SPMIP3: variants seen among roughly 807,000 people sequenced by gnomAD.
SPMIP3 encodes the protein protein SPMIP3.
the SPMIP3 span, among the ~76,000 whole-genome samples, chr1:244,372,766 A>G: frequency 1.3e-5 from 2 of 152,188 alleles, no homozygotes; most frequent in Non-Finnish European, 2.9e-5. Context: ...GCATCTACTG[A>G]CTGCTCAGAA....
At chr1:244,373,285 C>T in the SPMIP3 span, among the ~76,000 whole-genome samples, 8 of 131,600 alleles carry the variant, frequency 6.1e-5, no homozygotes, top group African/African-American at 2.2e-4. Flanking sequence ...CCTTGTTAAA[C>T]ATCTCACAAA....
the SPMIP3 span, chr1:244,378,356 A>G: frequency 5.4e-6 from 6 of 1,107,818 alleles, no homozygotes; most frequent in Non-Finnish European, 7.8e-6. Context: ...AGTCTTGTCA[A>G]TACTCTCTGT....
chr1:244,369,773 T>G, the SPMIP3 span, among the ~76,000 whole-genome samples: 2 of 152,168 alleles, frequency 1.3e-5, no homozygotes, highest in Admixed American at 6.5e-5. Flanking sequence ...TGGTTAGGAC[T>G]AGGTGTGCTG....
At chr1:244,367,664 G>T in the SPMIP3 span, among the ~76,000 whole-genome samples, 80 of 152,190 alleles carry the variant, frequency 5.3e-4, no homozygotes, top group Non-Finnish European at 2.4e-4. Context: ...GCCTCCAGGG[G>T]CCCCAGGGCC....
At chr1:244,377,242 C>T in the SPMIP3 span, among the ~76,000 whole-genome samples, 1 of 152,292 alleles carries the variant, frequency 6.6e-6, no homozygotes, top group African/African-American at 2.4e-5. Context: ...CTGCCTCAGC[C>T]TCCCGAGTAG....
the SPMIP3 span, among the ~76,000 whole-genome samples, chr1:244,381,926 C>CA: frequency 1.3e-5 from 2 of 152,108 alleles, no homozygotes; most frequent in Non-Finnish European, 2.9e-5. Flanking sequence ...GACTCCGTCT[C>CA]AAAAAACAAA....
the SPMIP3 span, among the ~76,000 whole-genome samples, chr1:244,376,871 C>T: frequency 5.9e-5 from 9 of 151,944 alleles, no homozygotes; most frequent in South Asian, 2.1e-4. Flanking sequence ...AGCGCAGTGG[C>T]GTGATCTCGG....
At chr1:244,378,597 A>G in the SPMIP3 span, 2 of 1,613,978 alleles carry the variant, frequency 1.2e-6, no homozygotes, top group Admixed American at 3.3e-5. Context: ...GTATAAAGAA[A>G]CCACTTACCG....
At chr1:244,367,604 G>A in the SPMIP3 span, among the ~76,000 whole-genome samples, 2 of 152,142 alleles carry the variant, frequency 1.3e-5, no homozygotes, top group Non-Finnish European at 2.9e-5. Flanking sequence ...CCCAACCCAC[G>A]TGCGGCTCGG....
the SPMIP3 span, among the ~76,000 whole-genome samples, chr1:244,379,599 C>G: frequency 6.6e-6 from 1 of 152,282 alleles, no homozygotes; most frequent in South Asian, 2.1e-4. Context: ...CGATTTCAAA[C>G]TTTATGACAA....
the SPMIP3 span, among the ~76,000 whole-genome samples, chr1:244,354,996 G>A: frequency 0.35 from 52,598 of 151,986 alleles, 10,812 homozygotes; most frequent in Middle Eastern, 0.48. Context: ...GCAACATGGC[G>A]GCGAAATCAC....
chr1:244,375,491 T>C, the SPMIP3 span: 11 of 1,573,742 alleles, frequency 7.0e-6, no homozygotes, highest in Non-Finnish European at 8.7e-6. Flanking sequence ...TCAATCCCAA[T>C]GTCCAAGAAT....
the SPMIP3 span, among the ~76,000 whole-genome samples, chr1:244,366,210 T>A: frequency 6.6e-6 from 1 of 152,224 alleles, no homozygotes; most frequent in African/African-American, 2.4e-5. Flanking sequence ...AGTCTGGCTC[T>A]GTTGCCCAGG....
chr1:244,360,560 GCATGCAT>G, the SPMIP3 span, among the ~76,000 whole-genome samples: 1 of 10,436 alleles, frequency 9.6e-5, no homozygotes, highest in East Asian at 1.7e-3. Context: ...ACACACACAT[GCATGCAT>G]GGAATATTAT....
At chr1:244,361,696 A>C in the SPMIP3 span, among the ~76,000 whole-genome samples, 2 of 152,298 alleles carry the variant, frequency 1.3e-5, no homozygotes, top group East Asian at 3.9e-4. Context: ...TACATCTCTT[A>C]TATATCTATA....
At chr1:244,383,047 A>G in the SPMIP3 span, among the ~76,000 whole-genome samples, 6 of 152,106 alleles carry the variant, frequency 3.9e-5, no homozygotes, top group African/African-American at 7.2e-5. Flanking sequence ...TTCCAGCGAT[A>G]TTTTGGGGGT....
chr1:244,365,504 G>A, the SPMIP3 span, among the ~76,000 whole-genome samples: 1 of 152,092 alleles, frequency 6.6e-6, no homozygotes, highest in Admixed American at 6.6e-5. Flanking sequence ...TGATTGTGAG[G>A]CCTCCCCAGC....
chr1:244,354,272 T>C, the SPMIP3 span, among the ~76,000 whole-genome samples: 1 of 152,114 alleles, frequency 6.6e-6, no homozygotes, highest in Non-Finnish European at 1.5e-5. Context: ...TTTCATTTAA[T>C]TGGGGCCCAT....
At chr1:244,377,129 AT>A in the SPMIP3 span, among the ~76,000 whole-genome samples, 219 of 139,220 alleles carry the variant, frequency 1.6e-3, no homozygotes, top group African/African-American at 2.1e-3. Context: ...CTTTATTTTT[AT>A]TTTTTTTTTT....
Sources: gnomAD v4.1 joint callset for allele counts (sites outside exome capture counted in the v4.1 genomes callset) on GRCh38, gnomAD v4.1.1 for gene constraint, MANE v1.5 for transcripts, NCBI Gene and HGNC (gene_info 2026-07-23, HGNC 2026-07-21) for gene names.